KIAA0930: variants seen among roughly 807,000 people sequenced by gnomAD.
KIAA0930 encodes uncharacterized protein KIAA0930.
In KIAA0930, 24 loss-of-function variants were observed where a neutral mutation model predicts 43.9. The ratio of observed to expected loss-of-function variants is 0.55; its 90% confidence interval spans 0.40 to 0.77. The LOEUF is 0.77. Among genes scored for constraint, KIAA0930 ranks in the 30% least tolerant of loss-of-function variants. The pLI, the probability that KIAA0930 is intolerant of heterozygous loss-of-function variation, is 0.00. For synonymous variants in KIAA0930, 259 were observed against 216.4 expected (o/e 1.20, Z -1.73); for missense variants, 461 against 574.2 (o/e 0.80, Z 2.02).
At chr22:45,199,671 G>T (rs2083569060) in intron 8 of KIAA0930, among the ~76,000 whole-genome samples, 1 of 152,172 alleles carries the variant, frequency 6.6e-6, no homozygotes, top group African/African-American at 2.4e-5. Flanking sequence ...AGCCCACCAG[G>T]ACGGGACCCC....
At chr22:45,225,014 C>T (rs2083790032) in intron 1 of KIAA0930, among the ~76,000 whole-genome samples, 1 of 152,094 alleles carries the variant, frequency 6.6e-6, no homozygotes, top group African/African-American at 2.4e-5. Flanking sequence ...TTGAGAGGGT[C>T]CTCTCCAGAG....
chr22:45,236,060 G>A (rs9615078), intron 1 of KIAA0930: 4,986 of 152,426 alleles, frequency 0.033, 109 homozygotes, highest in African/African-American at 0.049. Flanking sequence ...GAACCCTTCC[G>A]GGTTGGCTAT....
At chr22:45,205,432 G>A in intron 4 of KIAA0930, 114 bp from the exon 5 acceptor site, 1 of 969,634 alleles carries the variant, frequency 1.0e-6, no homozygotes, top group African/African-American at 1.6e-5. Context: ...CAAAGCCAGA[G>A]ACCTACCAGG....
intron 5 of KIAA0930, among the ~76,000 whole-genome samples, chr22:45,204,456 G>A (rs973999094): frequency 2.0e-5 from 3 of 152,166 alleles, no homozygotes; most frequent in African/African-American, 7.2e-5. Context: ...AGGACCTGGT[G>A]CACAGACTGT....
intron 2 of KIAA0930, among the ~76,000 whole-genome samples, 199 bp from the exon 3 acceptor site, chr22:45,206,111 G>A (rs1455111751): frequency 1.3e-5 from 2 of 152,170 alleles, no homozygotes. Context: ...AACCTCCTGG[G>A]CTCAAATGAT....
intron 7 of KIAA0930, among the ~76,000 whole-genome samples, chr22:45,201,501 T>C: frequency 6.6e-6 from 1 of 152,172 alleles, no homozygotes; most frequent in Non-Finnish European, 1.5e-5. Context: ...CCCGGGTTTG[T>C]CCAGCCCAGA....
intron 7 of KIAA0930, chr22:45,202,568 A>T (rs2083598249): frequency 1.2e-5 from 2 of 163,276 alleles, no homozygotes; most frequent in Non-Finnish European, 2.6e-5. Context: ...CTCACCGGGG[A>T]AGGCCGGCCA....
intron 1 of KIAA0930, among the ~76,000 whole-genome samples, chr22:45,221,190 C>A (rs2083765515): frequency 6.6e-6 from 1 of 152,222 alleles, no homozygotes; most frequent in Admixed American, 6.5e-5. Context: ...TTTTTCTCCA[C>A]AGCACTTGTC....
chr22:45,200,970 G>A (rs1196549122), intron 7 of KIAA0930: 1 of 521,860 alleles, frequency 1.9e-6, no homozygotes. Context: ...AAGAAGGGGG[G>A]GAAGGGCGTT....
At position 45,193,567 on chromosome 22, in the gene KIAA0930, C is replaced by A. The variant is rs2083509270; in HGVS notation, c.*3609G>T. On this transcript the variant is annotated 3_prime_UTR_variant, in exon 10 of 10. Coordinates refer to ENST00000336156, the MANE Select transcript of KIAA0930 (RefSeq NM_001009880.2). The stretch of plus-strand genomic sequence containing the variant: ...CACCTCAGGAACATGCATTTATACC[C>A]TTCCTGTGACTCCGTGTAGAGGGAA... 1 of 152,190 alleles carries A rather than the reference C, an allele frequency of 6.6e-6. No individual in the cohort carries two copies. Among genetic ancestry groups the A allele is most frequent in the Non-Finnish European group, 1.5e-5 (1 of 68,040 alleles). The allele number at this position is 152,190 out of a possible 1,614,324, so 9.4% of individuals were successfully genotyped here. A position where few individuals can be genotyped will look rare whatever the true frequency, so the allele number is the denominator to read the frequency against.
chr22:45,233,583 C>T (rs577466527), intron 1 of KIAA0930, among the ~76,000 whole-genome samples: 10 of 152,156 alleles, frequency 6.6e-5, no homozygotes, highest in African/African-American at 1.9e-4. Context: ...CAGAACAGCC[C>T]GGGTGCCCAC....
At chr22:45,235,933 T>G (rs2083885733) in intron 1 of KIAA0930, among the ~76,000 whole-genome samples, 1 of 152,198 alleles carries the variant, frequency 6.6e-6, no homozygotes. Flanking sequence ...AGCAAAGTGA[T>G]GGCGGGTTGG....
intron 1 of KIAA0930, among the ~76,000 whole-genome samples, chr22:45,216,868 G>GCCTTCCCTC (rs1348337930): frequency 2.0e-5 from 3 of 152,114 alleles, no homozygotes; most frequent in Non-Finnish European, 2.9e-5. Flanking sequence ...TCACGGCCCT[G>GCCTTCCCTC]CCTTCCCTCC....
At position 45,228,699 on chromosome 22, in the gene KIAA0930, CCCAACCACCAAACA is replaced by C. The variant is rs1569083609; in HGVS notation, c.64+11927_64+11940del. ...CACCGGAAAGATCCCTCTCCACCCC[CCCAACCACCAAACA>C]CTCACCCGAAAGATCCCTCTCCACC... On this transcript the variant is annotated intron_variant, in intron 1 of 9. Coordinates refer to ENST00000336156, the MANE Select transcript of KIAA0930 (RefSeq NM_001009880.2). Among the ~76,000 whole-genome samples the C allele has an allele frequency of 9.5e-5, 14 of 147,576 alleles. No individual in the cohort carries two copies. The East Asian group carries it at 2.8e-3, about 29-fold the overall frequency.
chr22:45,206,058 C>T, intron 2 of KIAA0930, 146 bp from the exon 3 acceptor site: 1 of 1,393,822 alleles, frequency 7.2e-7, no homozygotes. Context: ...CACCGCTGCC[C>T]AGGCTAGAGA....
chr22:45,240,533 C>T, intron 1 of KIAA0930, 107 bp downstream of exon 1: 1 of 739,822 alleles, frequency 1.4e-6, no homozygotes, highest in Non-Finnish European at 2.2e-6. Flanking sequence ...CCACGACACC[C>T]GCGCAGAGAC....
At chr22:45,202,303 G>A (rs529315627) in intron 7 of KIAA0930, among the ~76,000 whole-genome samples, 1 of 152,350 alleles carries the variant, frequency 6.6e-6, no homozygotes, top group South Asian at 2.1e-4. Context: ...AAGGCTTCTG[G>A]GAACAAAGCT....
chr22:45,205,625 C>T lies in KIAA0930; in HGVS notation c.414+5G>A. On this transcript the variant is annotated splice_donor_5th_base_variant and intron_variant, in intron 4 of 9. Transcript: ENST00000336156. ...GAGGCTGGGGGCTCTCGTGCCAGGGCTCACCTGAGATTTCTTCTTATGGAT... is the reference window on the plus strand; with the variant it reads ...GAGGCTGGGGGCTCTCGTGCCAGGGTTCACCTGAGATTTCTTCTTATGGAT... 1 of 1,613,778 alleles carries T rather than the reference C, an allele frequency of 6.2e-7. No individual in the cohort carries two copies. Among genetic ancestry groups the T allele is most frequent in the South Asian group, 1.1e-5 (1 of 91,076 alleles).
At chr22:45,203,645 A>T (rs1412550049) in intron 6 of KIAA0930, among the ~76,000 whole-genome samples, 200 bp downstream of exon 6, 1 of 152,170 alleles carries the variant, frequency 6.6e-6, no homozygotes, top group African/African-American at 2.4e-5. Flanking sequence ...AGTGGCCCGC[A>T]TGGGCTGAGG....
Sources: gnomAD v4.1 joint callset for allele counts (sites outside exome capture counted in the v4.1 genomes callset) on GRCh38, gnomAD v4.1.1 for gene constraint, MANE v1.5 for transcripts, NCBI Gene and HGNC (gene_info 2026-07-23, HGNC 2026-07-21) for gene names.